JPH3: variants seen among roughly 807,000 people sequenced by gnomAD.
The protein encoded by JPH3 is junctophilin-3.
JPH3 carries 11 observed loss-of-function variants against 59.6 expected under a neutral mutation model. The ratio of observed to expected loss-of-function variants is 0.18; its 90% CI spans 0.12 to 0.31. JPH3 has a LOEUF of 0.31. Among genes scored for constraint, JPH3 ranks in the 10% least tolerant of loss-of-function variants. The probability of loss-of-function intolerance (pLI) is 1.00; values close to 1 mark genes in which losing one functional copy is unlikely to be tolerated. For synonymous variants in JPH3, 673 were observed against 483.6 expected, an observed-to-expected ratio of 1.39 and a Z score of -5.14; for missense variants, 1,202 against 1,105.7, an observed-to-expected ratio of 1.09 and a Z score of -1.24.
At chr16:87,658,611 C>T (rs2032589692) in intron 2 of JPH3, among the ~76,000 whole-genome samples, 1 of 152,196 alleles carries the variant, frequency 6.6e-6, no homozygotes, top group Admixed American at 6.5e-5. Flanking sequence ...AGACCCAGGG[C>T]ATGATGTCGT....
intron 1 of JPH3, among the ~76,000 whole-genome samples, chr16:87,608,079 G>A (rs1440718828): frequency 1.3e-5 from 2 of 152,270 alleles, no homozygotes; most frequent in Non-Finnish European, 2.9e-5. Context: ...GCTGGCCGGG[G>A]AGTGAGGACC....
chr16:87,616,233 TGTG>T lies in JPH3; in HGVS notation c.382+12706_382+12708del, dbSNP rs774393609. Among the ~76,000 whole-genome samples, 185 of 134,156 alleles carry T rather than the reference TGTG, an allele frequency of 1.4e-3. 4 individuals are homozygous for T. Among genetic ancestry groups the T allele is most frequent in the Admixed American group, 3.5e-3 (47 of 13,286 alleles). 88.0% of individuals were successfully genotyped at this position (134,156 alleles called of 152,430 possible). ...GTGTGTGTGTGTGTGTGTGTGTGTG[TGTG>T]TATTTTTTTTTTTTTGAGACAGAGT... On this transcript the variant is annotated intron_variant, in intron 1 of 4. Coordinates refer to ENST00000284262, the MANE Select transcript of JPH3 (RefSeq NM_020655.4).
intron 2 of JPH3, among the ~76,000 whole-genome samples, chr16:87,662,383 C>G (rs913598665): frequency 4.6e-5 from 7 of 151,616 alleles, no homozygotes; most frequent in Non-Finnish European, 7.4e-5. Flanking sequence ...AAAAGGACAG[C>G]CGGATTTTCC....
At chr16:87,665,783 C>A (rs2032841710) in intron 2 of JPH3, among the ~76,000 whole-genome samples, 1 of 152,230 alleles carries the variant, frequency 6.6e-6, no homozygotes, top group African/African-American at 2.4e-5. Context: ...CCAGCCCATC[C>A]CTCTCCCTCT....
At chr16:87,643,859 C>A (rs960710869) in intron 1 of JPH3, among the ~76,000 whole-genome samples, 6 of 151,800 alleles carry the variant, frequency 4.0e-5, no homozygotes, top group African/African-American at 1.5e-4. Context: ...GATAGCACAC[C>A]AGGAGTGGTG....
chr16:87,669,093 G>A (rs1350138740), intron 2 of JPH3, among the ~76,000 whole-genome samples: 7 of 152,316 alleles, frequency 4.6e-5, no homozygotes, highest in East Asian at 3.9e-4. Flanking sequence ...GCGTGGAGGC[G>A]TGGCGGGCCT....
Position 87,697,128 on chromosome 16 carries a change from G to A in JPH3, c.*468G>A, listed in dbSNP as rs1404830773. 3 of 211,052 alleles carry A rather than the reference G, an allele frequency of 1.4e-5. No homozygotes were observed. Among genetic ancestry groups the A allele is most frequent in the Non-Finnish European group, 2.9e-5 (3 of 103,526 alleles). The allele number at this position is 211,052 out of a possible 1,614,324, so 13.1% of individuals were successfully genotyped here. A position where few individuals can be genotyped will look rare whatever the true frequency, so the allele number is the denominator to read the frequency against. On this transcript the variant is annotated 3_prime_UTR_variant, in exon 5 of 5. Transcript: ENST00000284262. Reference sequence around the variant, plus strand: ...CTGCTTTCTCTGTCTAGAACAGACGGGTGACAAGTATGGGCAGGAGGCATG... The same window carrying A: ...CTGCTTTCTCTGTCTAGAACAGACGAGTGACAAGTATGGGCAGGAGGCATG...
chr16:87,610,055 A>G (rs1457662628), intron 1 of JPH3, among the ~76,000 whole-genome samples: 1 of 152,236 alleles, frequency 6.6e-6, no homozygotes, highest in Non-Finnish European at 1.5e-5. Flanking sequence ...TTAGATTATC[A>G]TAAGGAGTGT....
At chr16:87,670,398 G>T (rs2032984504) in intron 2 of JPH3, among the ~76,000 whole-genome samples, 1 of 152,204 alleles carries the variant, frequency 6.6e-6, no homozygotes, top group Admixed American at 6.5e-5. Flanking sequence ...CGCCCCTGCT[G>T]CTCCCTGTGG....
chr16:87,606,006 C>G (rs1471829887), intron 1 of JPH3, among the ~76,000 whole-genome samples: 1 of 152,222 alleles, frequency 6.6e-6, no homozygotes, highest in Non-Finnish European at 1.5e-5. Context: ...GCCTGGACAT[C>G]TGGGCCACTT....
intron 1 of JPH3, among the ~76,000 whole-genome samples, chr16:87,626,037 G>T (rs1377944708): frequency 6.6e-6 from 1 of 152,156 alleles, no homozygotes; most frequent in Non-Finnish European, 1.5e-5. Flanking sequence ...CTTAGCTCAG[G>T]TTGTTCTTGG....
chr16:87,651,692 C>G (rs117946272), intron 2 of JPH3, among the ~76,000 whole-genome samples: 5 of 152,224 alleles, frequency 3.3e-5, no homozygotes, highest in Admixed American at 3.3e-4. Context: ...CGACCACACT[C>G]GAAAGACTGA....
chr16:87,683,876 G>A, intron 2 of JPH3: 1 of 426,796 alleles, frequency 2.3e-6, no homozygotes, highest in Non-Finnish European at 4.2e-6. Context: ...AAAGTGCTGG[G>A]ATTACAGGCG....
At chr16:87,684,816 G>A (rs991846468) in intron 3 of JPH3, among the ~76,000 whole-genome samples, 3 of 152,016 alleles carry the variant, frequency 2.0e-5, no homozygotes, top group African/African-American at 7.2e-5. Flanking sequence ...TAGGAACCTC[G>A]TCCTCCCTTC....
intron 2 of JPH3, among the ~76,000 whole-genome samples, chr16:87,680,493 G>C (rs893282790): frequency 3.3e-5 from 5 of 152,246 alleles, no homozygotes; most frequent in Non-Finnish European, 5.9e-5. Context: ...TCGCATGCAG[G>C]GCCAGGCAGG....
At chr16:87,680,780 C>G (rs1050013315) in intron 2 of JPH3, among the ~76,000 whole-genome samples, 1 of 152,252 alleles carries the variant, frequency 6.6e-6, no homozygotes, top group East Asian at 1.9e-4. Context: ...GTCTCCTCCT[C>G]CATGACGTGC....
chr16:87,621,995 C>A (rs1306345639), intron 1 of JPH3, among the ~76,000 whole-genome samples: 1 of 152,200 alleles, frequency 6.6e-6, no homozygotes, highest in African/African-American at 2.4e-5. Flanking sequence ...CTATCTCACT[C>A]TACTGTGATC....
At chr16:87,607,041 C>T (rs1479289779) in intron 1 of JPH3, among the ~76,000 whole-genome samples, 3 of 152,158 alleles carry the variant, frequency 2.0e-5, no homozygotes, top group South Asian at 4.1e-4. Context: ...TTGCTAGGTA[C>T]GTCGCTCTCT....
chr16:87,603,487 G>C lies in JPH3; in HGVS notation c.341G>C (p.Gly114Ala), dbSNP rs1439373400. ...GAKYEGTWSN[G>A]LQDGYGTETY... ...AAATACGAAGGGACCTGGAGCAACG[G>C]GCTGCAGGACGGCTACGGGACCGAG... The change falls in exon 1 of 5, where the codon GGG becomes GCG. Residue 114 changes from glycine (G) to alanine (A), a missense_variant. Physicochemically the swap from Gly to Ala is moderately conservative, Grantham distance 60. Coordinates refer to ENST00000284262, the MANE Select transcript of JPH3 (RefSeq NM_020655.4). The C allele has an allele frequency of 5.8e-6, 9 of 1,553,804 alleles. No individual in the cohort carries two copies. Among genetic ancestry groups the C allele is most frequent in the African/African-American group, 1.4e-5 (1 of 73,020 alleles).
Sources: gnomAD v4.1 joint callset for allele counts (sites outside exome capture counted in the v4.1 genomes callset) on GRCh38, gnomAD v4.1.1 for gene constraint, MANE v1.5 for transcripts, NCBI Gene and HGNC (gene_info 2026-07-23, HGNC 2026-07-21) for gene names.